MTA3: variants seen among roughly 807,000 people sequenced by gnomAD.
MTA3 encodes metastasis-associated protein MTA3.
In MTA3, 34 loss-of-function variants were observed where a neutral mutation model predicts 83.5. The ratio of observed to expected loss-of-function variants is 0.41; its 90% confidence interval spans 0.31 to 0.54. The LOEUF is 0.54. Ranked by LOEUF, MTA3 falls within the 20% of genes least tolerant of loss-of-function variation. The probability of loss-of-function intolerance (pLI) is 0.33; values close to 1 mark genes in which losing one functional copy is unlikely to be tolerated. For synonymous variants in MTA3, 303 were observed against 252.7 expected (o/e 1.20, Z -1.89); for missense variants, 761 against 726.4 (o/e 1.05, Z -0.55).
intron 2 of MTA3, among the ~76,000 whole-genome samples, chr2:42,578,260 A>G (rs1402550751): frequency 6.6e-6 from 1 of 152,188 alleles, no homozygotes; most frequent in Non-Finnish European, 1.5e-5. Context: ...TTTGTAATGA[A>G]TGATTGACCT....
chr2:42,705,508 C>A (rs1489869802), intron 12 of MTA3, among the ~76,000 whole-genome samples: 5 of 152,122 alleles, frequency 3.3e-5, no homozygotes, highest in Non-Finnish European at 7.4e-5. Context: ...AGTTCGAGAC[C>A]AGCCTGGCCA....
At chr2:42,709,874 TTTTTTA>T (rs1232851447) in intron 14 of MTA3, among the ~76,000 whole-genome samples, 1 of 152,232 alleles carries the variant, frequency 6.6e-6, no homozygotes, top group Non-Finnish European at 1.5e-5. Context: ...CTTGCTTATC[TTTTTTA>T]TTTTTATTTT....
chr2:42,598,855 C>G (rs941700454), intron 3 of MTA3, among the ~76,000 whole-genome samples: 4 of 152,138 alleles, frequency 2.6e-5, no homozygotes, highest in African/African-American at 9.7e-5. Flanking sequence ...GGAGGACTTT[C>G]ACATTAACAC....
At chr2:42,503,075 C>T (rs1362242703) in intron 2 of MTA3, among the ~76,000 whole-genome samples, 2 of 151,948 alleles carry the variant, frequency 1.3e-5, no homozygotes, top group South Asian at 2.1e-4. Flanking sequence ...CAAGTCCGTA[C>T]AGTAATGTGA....
rs1678073215 is a variant in MTA3, at chr2:42,568,662, C to CAGCGGCGGT, written c.-83_-75dup. On this transcript the variant is annotated 5_prime_UTR_variant, in exon 1 of 17. Transcript: ENST00000405094. ...GAGGCAGCAGCGACGGCGGCGGCGG[C>CAGCGGCGGT]AGCGGCGGTCGCGGCTGAGGCTGAG... The CAGCGGCGGT allele has an allele frequency of 9.9e-7, 1 of 1,014,042 alleles. No individual in the cohort carries two copies. The highest frequency in any genetic ancestry group is 1.7e-5 in the African/African-American group (1 of 58,192). The allele number at this position is 1,014,042 out of a possible 1,614,324, so 62.8% of individuals were successfully genotyped here.
At chr2:42,499,472 G>C (rs1674298260) in intron 2 of MTA3, among the ~76,000 whole-genome samples, 1 of 151,136 alleles carries the variant, frequency 6.6e-6, no homozygotes, top group South Asian at 2.1e-4. Context: ...GGCGAGGGTA[G>C]ATCTTATAGG....
At chr2:42,629,644 G>A (rs1424138433) in intron 4 of MTA3, among the ~76,000 whole-genome samples, 1 of 152,078 alleles carries the variant, frequency 6.6e-6, no homozygotes, top group Non-Finnish European at 1.5e-5. Context: ...GGAGTGAGCC[G>A]AAGTTTGGAG....
chr2:42,634,128 A>G (rs921830247), intron 4 of MTA3, among the ~76,000 whole-genome samples: 1 of 152,168 alleles, frequency 6.6e-6, no homozygotes, highest in Non-Finnish European at 1.5e-5. Context: ...CCTGTAGTGC[A>G]TGAGACAGCC....
At chr2:42,509,371 C>T (rs1242541368) in intron 2 of MTA3, among the ~76,000 whole-genome samples, 1 of 152,050 alleles carries the variant, frequency 6.6e-6, no homozygotes, top group African/African-American at 2.4e-5. Flanking sequence ...CCGTCTGTCT[C>T]CCACAAGATG....
At chr2:42,569,233 C>G (rs898430851) in intron 1 of MTA3, among the ~76,000 whole-genome samples, 1 of 151,800 alleles carries the variant, frequency 6.6e-6, no homozygotes, top group African/African-American at 2.4e-5. Flanking sequence ...AGCCAGGGGC[C>G]CAGCTGGACG....
chr2:42,663,269 T>C (rs1016341164), intron 8 of MTA3, among the ~76,000 whole-genome samples: 2 of 152,058 alleles, frequency 1.3e-5, no homozygotes, highest in African/African-American at 2.4e-5. Context: ...TTGCCTGAGG[T>C]AGAGAGGGCC....
Position 42,754,756 on chromosome 2 carries a change from A to C in MTA3, c.*1357A>C. 1.0e-6 allele frequency: 1 copy of C among 985,520 alleles called. No homozygotes were observed. Among genetic ancestry groups the C allele is most frequent in the Non-Finnish European group, 1.2e-6 (1 of 829,982 alleles). The allele number at this position is 985,520 out of a possible 1,614,324, so 61.0% of individuals were successfully genotyped here. Reference sequence around the variant, plus strand: ...AAATAGCCAAGCTGTTGCAAGACAGAGTGGCTACAATTGAATTGACACCCT... The same window carrying C: ...AAATAGCCAAGCTGTTGCAAGACAGCGTGGCTACAATTGAATTGACACCCT... On this transcript the variant is annotated 3_prime_UTR_variant, in exon 17 of 17. Transcript: ENST00000405094.
At chr2:42,660,541 C>T (rs954070433) in intron 8 of MTA3, among the ~76,000 whole-genome samples, 1 of 152,216 alleles carries the variant, frequency 6.6e-6, no homozygotes, top group Non-Finnish European at 1.5e-5. Flanking sequence ...CTGGCACTTA[C>T]TGCTTTCTCT....
chr2:42,514,056 A>G (rs967281561), intron 2 of MTA3, among the ~76,000 whole-genome samples: 3 of 152,178 alleles, frequency 2.0e-5, no homozygotes, highest in Non-Finnish European at 4.4e-5. Context: ...TTTACTAAAA[A>G]TGTAAAATTA....
intron 7 of MTA3, 116 bp from the exon 8 acceptor site, chr2:42,659,647 T>C: frequency 1.6e-6 from 1 of 640,620 alleles, no homozygotes; most frequent in Non-Finnish European, 2.3e-6. Flanking sequence ...GAAACTTGTT[T>C]TTGCCTCTTC....
At chr2:42,621,733 C>A (rs1377214218) in intron 4 of MTA3, among the ~76,000 whole-genome samples, 2 of 150,614 alleles carry the variant, frequency 1.3e-5, no homozygotes, top group Non-Finnish European at 2.9e-5. Flanking sequence ...CCTCACTTCT[C>A]AGACGGGGCG....
chr2:42,710,635 A>T (rs1024892790), intron 14 of MTA3, among the ~76,000 whole-genome samples: 2 of 151,414 alleles, frequency 1.3e-5, no homozygotes, highest in Non-Finnish European at 2.9e-5. Context: ...ATTCATGTAT[A>T]TTTGAGAGTT....
At chr2:42,495,401 T>C (rs1023689196) in intron 2 of MTA3, 1 of 152,372 alleles carries the variant, frequency 6.6e-6, no homozygotes, top group Non-Finnish European at 1.5e-5. Context: ...TATTTGCTAC[T>C]TTAGTATCTA....
chr2:42,647,157 A>AAAAAAAAAAACAAC (rs1354912758), intron 6 of MTA3, among the ~76,000 whole-genome samples: 4 of 150,398 alleles, frequency 2.7e-5, no homozygotes, highest in South Asian at 2.1e-4. Context: ...ACTCTGTCTA[A>AAAAAAAAAAACAAC]AAAAAAAAAA....
Sources: allele counts gnomAD v4.1 joint callset (sites outside exome capture counted in the v4.1 genomes callset), GRCh38; gene constraint gnomAD v4.1.1; transcripts MANE v1.5; gene names NCBI Gene and HGNC (gene_info 2026-07-23, HGNC 2026-07-21).